NAALADL2: variants seen among roughly 807,000 people sequenced by gnomAD.
NAALADL2 encodes the protein N-acetylated alpha-linked acidic dipeptidase like 2.
Under a neutral mutation model 87.2 loss-of-function variants are expected in NAALADL2, and 76 were observed. The observed-to-expected ratio is 0.87, with a 90% CI of 0.72 to 1.05. The LOEUF (loss-of-function observed/expected upper bound fraction) is 1.05. Ranked by LOEUF, NAALADL2 falls within the 50% of genes least tolerant of loss-of-function variation. NAALADL2 has a pLI of 0.00. For synonymous variants in NAALADL2, 354 were observed against 331.0 expected, an observed-to-expected ratio of 1.07 and a Z score of -0.75; for missense variants, 1,089 against 945.8, an observed-to-expected ratio of 1.15 and a Z score of -1.99.
At chr3:175,569,865 AT>A (rs1248537482) in intron 9 of NAALADL2, among the ~76,000 whole-genome samples, 9 of 141,988 alleles carry the variant, frequency 6.3e-5, no homozygotes, top group African/African-American at 2.5e-4. Flanking sequence ...CAGACACTTT[AT>A]ATATACATTA....
intron 4 of NAALADL2, among the ~76,000 whole-genome samples, chr3:175,310,249 G>A (rs1445737898): frequency 6.6e-6 from 1 of 151,834 alleles, no homozygotes; most frequent in East Asian, 1.9e-4. Flanking sequence ...TGACTTTATT[G>A]TTTTCTTTAT....
At chr3:174,598,606 G>C (rs530557338) in intron 2 of NAALADL2, among the ~76,000 whole-genome samples, 1 of 152,188 alleles carries the variant, frequency 6.6e-6, no homozygotes, top group Non-Finnish European at 1.5e-5. Context: ...GTCCTGATAA[G>C]GAGAATTATG....
At chr3:174,828,602 A>G (rs1722264540) in intron 3 of NAALADL2, among the ~76,000 whole-genome samples, 2 of 152,212 alleles carry the variant, frequency 1.3e-5, no homozygotes, top group Non-Finnish European at 2.9e-5. Flanking sequence ...AAGCCAAACT[A>G]AGTTCACTTT....
intron 1 of NAALADL2, among the ~76,000 whole-genome samples, chr3:175,096,530 G>GTA (rs1437345554): frequency 7.6e-6 from 1 of 130,808 alleles, no homozygotes; most frequent in Non-Finnish European, 1.7e-5. Context: ...GTGTGTGTGT[G>GTA]TGTGTGTAAT....
chr3:175,066,893 C>T (rs1226665689), intron 1 of NAALADL2, among the ~76,000 whole-genome samples: 1 of 152,068 alleles, frequency 6.6e-6, no homozygotes. Context: ...TGTCATTTAA[C>T]CAAGAATCAA....
intron 3 of NAALADL2, among the ~76,000 whole-genome samples, chr3:174,777,650 G>A (rs550344843): frequency 1.2e-4 from 18 of 152,140 alleles, no homozygotes; most frequent in South Asian, 8.3e-4. Context: ...CACTAACATG[G>A]CTGTTAAATT....
chr3:174,441,601 A>T (rs1256838132), intron 1 of NAALADL2, among the ~76,000 whole-genome samples: 1 of 152,196 alleles, frequency 6.6e-6, no homozygotes, highest in African/African-American at 2.4e-5. Context: ...AAGCCATGGA[A>T]AGAGCAGCCT....
intron 3 of NAALADL2, among the ~76,000 whole-genome samples, chr3:174,854,178 A>G (rs1725589990): frequency 6.6e-6 from 1 of 152,232 alleles, no homozygotes; most frequent in Non-Finnish European, 1.5e-5. Context: ...GTACTTATAC[A>G]TAATAAGAGT....
intron 2 of NAALADL2, among the ~76,000 whole-genome samples, chr3:175,100,565 C>T (rs756163286): frequency 3.3e-5 from 5 of 152,190 alleles, no homozygotes; most frequent in South Asian, 4.1e-4. Flanking sequence ...AGGCCAGGGG[C>T]AGTGGGTAAT....
intron 9 of NAALADL2, among the ~76,000 whole-genome samples, chr3:175,514,183 A>G (rs746872903): frequency 1.3e-5 from 2 of 152,214 alleles, no homozygotes; most frequent in Non-Finnish European, 2.9e-5. Flanking sequence ...TTGTAATTCA[A>G]TTAATTTCTT....
chr3:175,676,346 A>T (rs926448869), intron 11 of NAALADL2: 8 of 152,192 alleles, frequency 5.3e-5, no homozygotes, highest in Admixed American at 4.6e-4. Context: ...AGGAAGGCTG[A>T]TAATTGACGT....
At chr3:174,701,974 T>C (rs1455783048) in intron 2 of NAALADL2, among the ~76,000 whole-genome samples, 1 of 152,168 alleles carries the variant, frequency 6.6e-6, no homozygotes, top group Non-Finnish European at 1.5e-5. Context: ...AATGGCTGGA[T>C]TATTACTTTT....
intron 2 of NAALADL2, among the ~76,000 whole-genome samples, chr3:174,678,269 C>T (rs920909681): frequency 2.6e-5 from 4 of 152,098 alleles, no homozygotes; most frequent in Non-Finnish European, 4.4e-5. Context: ...AATTTCTAAC[C>T]AGCTATTAGG....
intron 1 of NAALADL2, among the ~76,000 whole-genome samples, chr3:174,950,027 G>GT (rs1379978005): frequency 6.6e-6 from 1 of 152,114 alleles, no homozygotes; most frequent in Non-Finnish European, 1.5e-5. Flanking sequence ...AGCCTGGTCA[G>GT]TTTTTTATGA....
intron 9 of NAALADL2, among the ~76,000 whole-genome samples, chr3:175,554,763 T>C (rs908856528): frequency 6.6e-6 from 1 of 152,200 alleles, no homozygotes; most frequent in African/African-American, 2.4e-5. Flanking sequence ...CATTAGTACA[T>C]ATTTAACTTA....
chr3:174,739,817 A>G (rs1314328394), intron 3 of NAALADL2, among the ~76,000 whole-genome samples: 4 of 152,066 alleles, frequency 2.6e-5, no homozygotes, highest in Non-Finnish European at 5.9e-5. Context: ...GGTTACATCT[A>G]TTTCTTGACT....
At chr3:175,190,486 A>G (rs574403331) in intron 2 of NAALADL2, among the ~76,000 whole-genome samples, 7 of 152,210 alleles carry the variant, frequency 4.6e-5, no homozygotes, top group Non-Finnish European at 8.8e-5. Context: ...AGTCAAAACC[A>G]CATGATATAT....
intron 2 of NAALADL2, among the ~76,000 whole-genome samples, chr3:174,600,093 C>T (rs1849934): frequency 0.5 from 76,227 of 151,794 alleles, 22,164 homozygotes; most frequent in Non-Finnish European, 0.67. Flanking sequence ...TCAAAAAAAA[C>T]TAATCCTTTA....
intron 2 of NAALADL2, among the ~76,000 whole-genome samples, chr3:174,602,378 A>T (rs1167974585): frequency 6.6e-6 from 1 of 152,050 alleles, no homozygotes; most frequent in African/African-American, 2.4e-5. Flanking sequence ...TACCTACTGT[A>T]AATGAGATTA....
Sources: gnomAD v4.1 joint callset for allele counts (sites outside exome capture counted in the v4.1 genomes callset) on GRCh38, gnomAD v4.1.1 for gene constraint, MANE v1.5 for transcripts, NCBI Gene and HGNC (gene_info 2026-07-23, HGNC 2026-07-21) for gene names.